KIF13A: variants seen among roughly 807,000 people sequenced by gnomAD.
KIF13A encodes kinesin family member 13A, also known as kinesin-like protein KIF13A.
A neutral mutation model predicts 212.2 loss-of-function variants in KIF13A; 79 were observed. That is an observed-to-expected ratio of 0.37 (90% CI 0.31 to 0.45). The LOEUF is 0.45. Ranked by LOEUF, KIF13A falls within the 20% of genes least tolerant of loss-of-function variation. KIF13A has a pLI of 1.00. For synonymous variants in KIF13A, 789 were observed against 808.6 expected, an observed-to-expected ratio of 0.98 and a Z score of 0.41; for missense variants, 1,901 against 2,209.0, an observed-to-expected ratio of 0.86 and a Z score of 2.79.
chr6:17,939,252 G>C (rs1776746016), intron 2 of KIF13A, among the ~76,000 whole-genome samples: 1 of 152,142 alleles, frequency 6.6e-6, no homozygotes, highest in Non-Finnish European at 1.5e-5. Context: ...AAGACATTCT[G>C]GTGCATATTT....
At chr6:17,830,102 T>C (rs1221586047) in intron 13 of KIF13A, among the ~76,000 whole-genome samples, 1 of 152,116 alleles carries the variant, frequency 6.6e-6, no homozygotes, top group Non-Finnish European at 1.5e-5. Flanking sequence ...AGTCACAGTG[T>C]CCTAAATCAA....
chr6:17,802,411 C>T (rs1483375462), intron 20 of KIF13A, among the ~76,000 whole-genome samples: 1 of 151,710 alleles, frequency 6.6e-6, no homozygotes, highest in Non-Finnish European at 1.5e-5. Flanking sequence ...CCTGCCTCAG[C>T]CTCCGGAGTA....
chr6:17,780,660 T>C (rs1760481714), intron 31 of KIF13A, 70 bp downstream of exon 31: 1 of 1,445,332 alleles, frequency 6.9e-7, no homozygotes, highest in Admixed American at 1.8e-5. Flanking sequence ...AAAACACTGC[T>C]TTGTGATAGA....
chr6:17,820,255 C>T lies in KIF13A; in HGVS notation c.1787-3022G>A, dbSNP rs142362198. ...TGCAAATACAGAAGACAGAGCAACT[C>T]AATCCGTCCTTCCTCTGAGACTCCC... On this transcript the variant is annotated intron_variant, in intron 16 of 38. Transcript: ENST00000259711. Among the ~76,000 whole-genome samples the T allele has an allele frequency of 5.8e-3, 878 of 152,300 alleles. 12 individuals are homozygous for T. Among genetic ancestry groups the T allele is most frequent in the African/African-American group, 0.02 (817 of 41,560 alleles).
intron 20 of KIF13A, among the ~76,000 whole-genome samples, chr6:17,804,046 G>A (rs186599736): frequency 2.6e-5 from 4 of 152,290 alleles, no homozygotes; most frequent in African/African-American, 4.8e-5. Context: ...CAGCTACTCG[G>A]GAGGCTGAGG....
Position 17,856,071 on chromosome 6 carries a change from A to G in KIF13A, c.272T>C (p.Phe91Ser). 6.2e-7 allele frequency: 1 copy of G among 1,613,720 alleles called. No individual in the cohort carries two copies. The highest frequency in any genetic ancestry group is 8.5e-7 in the Non-Finnish European group (1 of 1,179,732). Residue 91 changes from phenylalanine to serine, a missense_variant, in exon 5 of 39, where the codon TTT (phenylalanine) becomes TCT (serine). Phe to Ser is a radical substitution (Grantham distance 155). Coordinates refer to ENST00000259711, the MANE Select transcript of KIF13A (RefSeq NM_022113.6). The surrounding 1 kb of genome is among the most constrained non-coding windows in gnomAD (Gnocchi z 4.5). Reference protein sequence around the residue: ...CLGEGILEKAFQGYNACIFAY... With the variant: ...CLGEGILEKASQGYNACIFAY... ...AAAAATACACGCATTATACCCCTGA[A>G]AGGCTTTTTCAAGAATTCCTTCCCC...
At chr6:17,802,919 T>TTG (rs543523864) in intron 20 of KIF13A, among the ~76,000 whole-genome samples, 61 of 97,366 alleles carry the variant, frequency 6.3e-4, no homozygotes, top group African/African-American at 1.7e-3. Context: ...GTTAATTTTT[T>TTG]TGTGTTTTTT....
Position 17,825,970 on chromosome 6 carries a change from G to A in KIF13A, c.1620-36C>T, listed in dbSNP as rs1764927933. The A allele has an allele frequency of 1.9e-6, 3 of 1,611,230 alleles. No individual in the cohort carries two copies. The highest frequency in any genetic ancestry group is 2.5e-6 in the Non-Finnish European group (3 of 1,177,888). ...TTTCACCATTAGAGAAAATCAACTT[G>A]TTTTACACTTAAATAGATAACAGAA... On this transcript the variant is annotated intron_variant, in intron 15 of 38. Coordinates refer to ENST00000259711, the MANE Select transcript of KIF13A (RefSeq NM_022113.6). This position sits in a 1 kb window ranked among gnomAD's most constrained non-coding sequence, Gnocchi z 4.5.
chr6:17,925,864 G>A (rs1775452396), intron 2 of KIF13A, among the ~76,000 whole-genome samples: 1 of 152,198 alleles, frequency 6.6e-6, no homozygotes. Context: ...CTGGAAATTA[G>A]TTATTAATGA....
At chr6:17,877,144 CAAAAAA>C (rs35738402) in intron 3 of KIF13A, among the ~76,000 whole-genome samples, 3 of 97,978 alleles carry the variant, frequency 3.1e-5, no homozygotes, top group East Asian at 7.3e-4. Flanking sequence ...TCTCTCTTGC[CAAAAAA>C]AAAAAAAAAA....
chr6:17,847,708 G>A (rs945797951), intron 9 of KIF13A, among the ~76,000 whole-genome samples: 2 of 152,118 alleles, frequency 1.3e-5, no homozygotes, highest in Non-Finnish European at 2.9e-5. Flanking sequence ...AAAAACAACA[G>A]CTATAACAGT....
At chr6:17,805,922 A>ATTTTT (rs58290591) in intron 18 of KIF13A, among the ~76,000 whole-genome samples, 1 of 139,328 alleles carries the variant, frequency 7.2e-6, no homozygotes, top group African/African-American at 2.7e-5. Flanking sequence ...CATAAGCACG[A>ATTTTT]TTTTTTTTTT....
chr6:17,891,637 C>T (rs974661743), intron 3 of KIF13A, among the ~76,000 whole-genome samples: 2 of 152,094 alleles, frequency 1.3e-5, no homozygotes, highest in African/African-American at 4.8e-5. Context: ...TCATGTCTCT[C>T]GTCTCAGCTA....
In KIF13A at chr6:17,768,764, T is replaced by C. The variant is rs1005815523; in HGVS notation, c.4581+2350A>G. Among the ~76,000 whole-genome samples the C allele has an allele frequency of 3.3e-5, 5 of 152,246 alleles. No individual in the cohort carries two copies. Among genetic ancestry groups the C allele is most frequent in the Non-Finnish European group, 7.3e-5 (5 of 68,046 alleles). On this transcript the variant is annotated intron_variant, in intron 38 of 38. Transcript: ENST00000259711. This position sits in a 1 kb window ranked among gnomAD's most constrained non-coding sequence, Gnocchi z 5.4. The stretch of plus-strand genomic sequence containing the variant: ...AGAGGAATAAACCACATGCTGTCTA[T>C]GCAAGACCTAACGGAAAGGTCGTGT...
rs369134691 is a variant in KIF13A, at chr6:17,805,664, G to C, written c.2164-49C>G. The C allele has an allele frequency of 2.6e-6, 4 of 1,517,592 alleles. No individual in the cohort carries two copies. In the Admixed American group the frequency reaches 6.1e-5, roughly 23 times the overall value. The allele number at this position is 1,517,592 out of a possible 1,614,324, so 94.0% of individuals were successfully genotyped here. A position where few individuals can be genotyped will look rare whatever the true frequency, so the allele number is the denominator to read the frequency against. ...CAAACCCTGTTATAACTCCTTTTTC[G>C]ATTGCTAAAGCAATATATATACAAC... On this transcript the variant is annotated intron_variant, in intron 18 of 38. Coordinates refer to ENST00000259711, the MANE Select transcript of KIF13A (RefSeq NM_022113.6).
At chr6:17,862,906 C>T (rs1465550484) in intron 4 of KIF13A, among the ~76,000 whole-genome samples, 1 of 152,166 alleles carries the variant, frequency 6.6e-6, no homozygotes, top group Non-Finnish European at 1.5e-5. Context: ...CGAAATCGCG[C>T]CACTGCACTC....
At chr6:17,779,166 G>A in intron 32 of KIF13A, 67 bp from the exon 33 acceptor site, 5 of 1,407,536 alleles carry the variant, frequency 3.6e-6, no homozygotes, top group Non-Finnish European at 4.9e-6. Flanking sequence ...AGTGTGGTGA[G>A]AAAACGTTTT....
chr6:17,802,832 T>C (rs1163673389), intron 20 of KIF13A, among the ~76,000 whole-genome samples: 1 of 151,900 alleles, frequency 6.6e-6, no homozygotes, highest in Admixed American at 6.6e-5. Flanking sequence ...TGCTTAGACC[T>C]ACCTGGGCTT....
intron 2 of KIF13A, among the ~76,000 whole-genome samples, chr6:17,948,068 T>A (rs914681640): frequency 6.6e-6 from 1 of 152,200 alleles, no homozygotes; most frequent in Non-Finnish European, 1.5e-5. Flanking sequence ...ACAGGAAACA[T>A]CATTTAATAC....
Sources: allele counts gnomAD v4.1 joint callset (sites outside exome capture counted in the v4.1 genomes callset), GRCh38; gene constraint gnomAD v4.1.1; non-coding constraint Gnocchi (gnomAD v3.1); transcripts MANE v1.5; gene names NCBI Gene and HGNC (gene_info 2026-07-23, HGNC 2026-07-21).